The following CMTM1 variants were observed in gnomAD, a reference collection of about 807,000 sequenced individuals.
The protein encoded by CMTM1 is CKLF like MARVEL transmembrane domain containing 1.
CMTM1 carries 16 observed loss-of-function variants against 17.8 expected under a neutral mutation model. That is an observed-to-expected ratio of 0.90 (90% CI 0.61 to 1.37). CMTM1 has a LOEUF of 1.37. Ranked by LOEUF, CMTM1 falls within the 40% of genes most tolerant of loss-of-function variation. The pLI is 0.00. For synonymous variants in CMTM1, 169 were observed against 154.6 expected, an observed-to-expected ratio of 1.09 and a Z score of -0.69; for missense variants, 354 against 375.6, an observed-to-expected ratio of 0.94 and a Z score of 0.47.
At chr16:66,576,123 G>A (rs1278043460) in intron 2 of CMTM1, among the ~76,000 whole-genome samples, 5 of 152,146 alleles carry the variant, frequency 3.3e-5, no homozygotes, top group African/African-American at 7.2e-5. Flanking sequence ...CTGGCCGGGC[G>A]CGGTGGCTCA....
At position 66,566,967 on chromosome 16, in the gene CMTM1, CCT is replaced by C. The variant is rs1409410208; in HGVS notation, c.432+23_432+24del. On this transcript the variant is annotated intron_variant, in intron 1 of 3. Coordinates refer to ENST00000379500, the MANE Select transcript of CMTM1 (RefSeq NM_052999.4). This position sits in a 1 kb window ranked among gnomAD's most constrained non-coding sequence, Gnocchi z 4.9. ...ACTGGTGAGCGGAGAGCTGGTGAGACCTAGCTGGGCGGATGTGGCCGGCAGTG... is the reference window on the plus strand; with the variant it reads ...ACTGGTGAGCGGAGAGCTGGTGAGACAGCTGGGCGGATGTGGCCGGCAGTG... 1.9e-5 allele frequency: 31 copies of C among 1,613,666 alleles called. No homozygotes were observed. The highest frequency in any genetic ancestry group is 2.5e-5 in the Non-Finnish European group (30 of 1,179,710).
chr16:66,577,115 C>A lies in CMTM1; in HGVS notation c.603C>A (p.Asn201Lys). ...ATTCTTTATTACAGGATCTTACCAACAGTATCATTACAGCTGTGTTCCTTT... is the reference window on the plus strand; with the variant it reads ...ATTCTTTATTACAGGATCTTACCAAAAGTATCATTACAGCTGTGTTCCTTT... ...YLHWPLLDLT[N>K]SIITAVFLSV... The change falls in exon 3 of 4, where the codon AAC becomes AAA. Residue 201 changes from asparagine (N) to lysine (K), a missense_variant. Coordinates refer to ENST00000379500, the MANE Select transcript of CMTM1 (RefSeq NM_052999.4). The A allele has an allele frequency of 6.2e-7, 1 of 1,612,856 alleles. No individual in the cohort carries two copies. The highest frequency in any genetic ancestry group is 8.5e-7 in the Non-Finnish European group (1 of 1,179,388).
In CMTM1 at chr16:66,566,663, C is replaced by T. The variant is rs1346730991; in HGVS notation, c.150C>T (p.Pro50=). Residue 50 remains proline, a synonymous_variant, in exon 1 of 4, where the codon CCC becomes CCT. Transcript: ENST00000379500. This position sits in a 1 kb window ranked among gnomAD's most constrained non-coding sequence, Gnocchi z 4.9. ...AQRNISAKTA[P]RKHPAVSIRS... Reference sequence around the variant, plus strand: ...GCAACATCTCAGCGAAGACCGCACCCCGGAAGCACCCCGCAGTCTCAATTC... The same window carrying T: ...GCAACATCTCAGCGAAGACCGCACCTCGGAAGCACCCCGCAGTCTCAATTC... The T allele has an allele frequency of 6.2e-7, 1 of 1,613,926 alleles. No homozygotes were observed. The highest frequency in any genetic ancestry group is 1.3e-5 in the African/African-American group (1 of 74,878).
intron 1 of CMTM1, chr16:66,567,505 C>T (rs1157282997): frequency 5.4e-6 from 1 of 184,708 alleles, no homozygotes. Context: ...TTTATGGCTG[C>T]ATAGTATTCC....
intron 2 of CMTM1, 114 bp from the exon 3 acceptor site, chr16:66,576,990 T>C: frequency 1.2e-6 from 1 of 863,676 alleles, no homozygotes; most frequent in East Asian, 2.7e-5. Context: ...CTCATCTTAA[T>C]CAAATGGAAG....
At chr16:66,571,248 G>C (rs113228317) in intron 2 of CMTM1, 2 of 448,078 alleles carry the variant, frequency 4.5e-6, no homozygotes, top group Non-Finnish European at 8.9e-6. Context: ...ATCTCTGTCC[G>C]TGGAAATTTT....
intron 2 of CMTM1, among the ~76,000 whole-genome samples, chr16:66,571,683 G>C (rs552978153): frequency 6.6e-6 from 1 of 152,300 alleles, no homozygotes; most frequent in East Asian, 1.9e-4. Flanking sequence ...TGGTTATCCT[G>C]GTGGGTGTAC....
intron 1 of CMTM1, among the ~76,000 whole-genome samples, chr16:66,569,081 T>A (rs577097048): frequency 3.9e-5 from 6 of 152,296 alleles, no homozygotes; most frequent in African/African-American, 1.4e-4. Context: ...TTTACAACAG[T>A]CATCAAAAAT....
intron 2 of CMTM1, 36 bp downstream of exon 2, chr16:66,570,130 C>T (rs1226522912): frequency 6.5e-7 from 1 of 1,543,170 alleles, no homozygotes. Flanking sequence ...CAAATCCAAG[C>T]TTTGCCCTCA....
chr16:66,567,678 G>GT (rs1263290323), intron 1 of CMTM1, among the ~76,000 whole-genome samples: 2 of 152,234 alleles, frequency 1.3e-5, no homozygotes, highest in African/African-American at 4.8e-5. Flanking sequence ...AAGAGCTGTC[G>GT]TTTGAAAGTC....
chr16:66,577,687 A>G (rs111552835), intron 3 of CMTM1, among the ~76,000 whole-genome samples: 135 of 152,310 alleles, frequency 8.9e-4, no homozygotes, highest in African/African-American at 3.2e-3. Flanking sequence ...TGCACCAAGC[A>G]GGGCACACTC....
chr16:66,576,833 T>A (rs2014310006), intron 2 of CMTM1, among the ~76,000 whole-genome samples: 1 of 152,210 alleles, frequency 6.6e-6, no homozygotes, highest in African/African-American at 2.4e-5. Flanking sequence ...CTATTCCCTT[T>A]AAGGAAAAAG....
In CMTM1 at chr16:66,579,010, C is replaced by T. The variant is rs747708637; in HGVS notation, c.*9C>T. ...CGCAGAGGCCCGCCTGAAGCCAGCCCGGCGCCCTAGCAGATGCACGTGTCT... is the reference window on the plus strand; with the variant it reads ...CGCAGAGGCCCGCCTGAAGCCAGCCTGGCGCCCTAGCAGATGCACGTGTCT... On this transcript the variant is annotated 3_prime_UTR_variant, in exon 4 of 4. Transcript: ENST00000379500. This position sits in a 1 kb window ranked among gnomAD's most constrained non-coding sequence, Gnocchi z 6.5. 13 of 1,611,632 alleles carry T rather than the reference C, an allele frequency of 8.1e-6. No individual in the cohort carries two copies. The highest frequency in any genetic ancestry group is 1.7e-5 in the Admixed American group (1 of 59,920).
At chr16:66,572,568 C>T (rs2013702921) in intron 2 of CMTM1, among the ~76,000 whole-genome samples, 1 of 152,104 alleles carries the variant, frequency 6.6e-6, no homozygotes, top group African/African-American at 2.4e-5. Flanking sequence ...CACTTGGGAC[C>T]TTATGATAAG....
intron 2 of CMTM1, among the ~76,000 whole-genome samples, chr16:66,572,200 A>G (rs2013649006): frequency 6.6e-6 from 1 of 152,204 alleles, no homozygotes; most frequent in Non-Finnish European, 1.5e-5. Flanking sequence ...TGTTACCAAG[A>G]TGGTTGCCCA....
chr16:66,568,412 G>A (rs74026539), intron 1 of CMTM1, among the ~76,000 whole-genome samples: 136 of 152,218 alleles, frequency 8.9e-4, no homozygotes, highest in African/African-American at 3.1e-3. Flanking sequence ...AGACCAGTAA[G>A]ATAGGAGTAT....
chr16:66,567,668 A>G (rs2012784601), intron 1 of CMTM1, among the ~76,000 whole-genome samples: 1 of 152,238 alleles, frequency 6.6e-6, no homozygotes, highest in Non-Finnish European at 1.5e-5. Context: ...CAGTCAATAC[A>G]AGAGCTGTCG....
intron 2 of CMTM1, among the ~76,000 whole-genome samples, chr16:66,576,207 G>A (rs1399505788): frequency 1.3e-5 from 2 of 152,122 alleles, no homozygotes; most frequent in Admixed American, 1.3e-4. Context: ...GACCATCCTG[G>A]CCAACATGAA....
rs765536805 is a variant in CMTM1 at position 66,570,049 on chromosome 16, G to A, written c.546G>A (p.Val182=). The part of the protein sequence containing the change: ...CIVVFFILIY[V]LTLHHLLTYL... ...TCGTTTTTTTTATTCTAATATATGTGCTAACCCTTCACCACTTGCTGACCT... is the reference window on the plus strand; with the variant it reads ...TCGTTTTTTTTATTCTAATATATGTACTAACCCTTCACCACTTGCTGACCT... Residue 182 remains valine, a synonymous_variant, in exon 2 of 4, where the codon GTG becomes GTA. Transcript: ENST00000379500. The A allele has an allele frequency of 6.4e-7, 1 of 1,561,984 alleles. No homozygotes were observed. The highest frequency in any genetic ancestry group is 2.4e-5 in the East Asian group (1 of 42,220).
Sources: gnomAD v4.1 joint callset for allele counts (sites outside exome capture counted in the v4.1 genomes callset) on GRCh38, gnomAD v4.1.1 for gene constraint, Gnocchi (gnomAD v3.1) non-coding constraint, MANE v1.5 for transcripts, NCBI Gene and HGNC (gene_info 2026-07-23, HGNC 2026-07-21) for gene names.